SLCO5A1: variants seen among roughly 807,000 people sequenced by gnomAD.
SLCO5A1 encodes organic anion transporter polypeptide-related protein 4.
A neutral mutation model predicts 65.1 loss-of-function variants in SLCO5A1; 39 were observed. The ratio of observed to expected loss-of-function variants is 0.60; its 90% CI spans 0.46 to 0.78. SLCO5A1 has a LOEUF of 0.78. SLCO5A1 is among the 30% of genes least tolerant of loss of function. SLCO5A1 has a pLI of 0.00. For synonymous variants in SLCO5A1, 438 were observed against 415.7 expected, an observed-to-expected ratio of 1.05 and a Z score of -0.65; for missense variants, 1,029 against 1,069.4, an observed-to-expected ratio of 0.96 and a Z score of 0.53.
At position 69,673,253 on chromosome 8, in the gene SLCO5A1, A is replaced by G. The variant is rs756652738; in HGVS notation, c.2163T>C (p.Gly721=). The G allele has an allele frequency of 1.6e-5, 26 of 1,614,116 alleles. No homozygotes were observed. The change falls in exon 10 of 10, where the codon GGT becomes GGC. Residue 721 remains glycine, a synonymous_variant. Coordinates refer to ENST00000260126, the MANE Select transcript of SLCO5A1 (RefSeq NM_030958.3). The part of the protein sequence containing the change: ...TTCMLWQQEC[G]VQGSCWEYNV... ...TGTACTCCCAGCAAGAACCCTGCACACCACATTCCTGTTGCCAGAGCATGC... is the reference window on the plus strand; with the variant it reads ...TGTACTCCCAGCAAGAACCCTGCACGCCACATTCCTGTTGCCAGAGCATGC...
At chr8:69,717,248 C>A (rs746364440) in intron 5 of SLCO5A1, among the ~76,000 whole-genome samples, 2 of 152,104 alleles carry the variant, frequency 1.3e-5, no homozygotes, top group Non-Finnish European at 2.9e-5. Context: ...TTAAGGCTTT[C>A]GATTTATTTT....
In SLCO5A1 at chr8:69,705,178, A is replaced by G; in HGVS notation, c.1475T>C (p.Ile492Thr). ...AGVGIVLGGY[I>T]IKKLKLGARE... ...GGCACCAAGTTTCAATTTTTTTATA[A>G]TGTAGCCTCCGAGGACAATACCAAC... Residue 492 changes from isoleucine to threonine, a missense_variant, in exon 6 of 10, where the codon ATT becomes ACT. This residue lies in a region of SLCO5A1 where 647 missense variants were observed against 647.5 expected (regional missense o/e 1.00). Transcript: ENST00000260126. The G allele has an allele frequency of 6.2e-7, 1 of 1,614,180 alleles. No homozygotes were observed. The highest frequency in any genetic ancestry group is 1.1e-5 in the South Asian group (1 of 91,080).
chr8:69,805,733 C>T (rs1158547312), intron 2 of SLCO5A1, among the ~76,000 whole-genome samples: 1 of 152,186 alleles, frequency 6.6e-6, no homozygotes, highest in African/African-American at 2.4e-5. Context: ...CCTTCTCCCA[C>T]TTAACAGCGT....
intron 2 of SLCO5A1, among the ~76,000 whole-genome samples, chr8:69,787,072 A>T (rs950649326): frequency 6.6e-6 from 1 of 152,216 alleles, no homozygotes; most frequent in Non-Finnish European, 1.5e-5. Flanking sequence ...TTCCCCATGA[A>T]TGCAGCCAGA....
intron 2 of SLCO5A1, among the ~76,000 whole-genome samples, chr8:69,790,304 C>A (rs1419172195): frequency 6.6e-6 from 1 of 151,834 alleles, no homozygotes; most frequent in Non-Finnish European, 1.5e-5. Flanking sequence ...ACACTGCATG[C>A]CTGTACCAAA....
chr8:69,788,557 A>G (rs1205827737), intron 2 of SLCO5A1, among the ~76,000 whole-genome samples: 4 of 152,140 alleles, frequency 2.6e-5, no homozygotes, highest in Admixed American at 2.6e-4. Context: ...GAGTTTTTAT[A>G]AACATATTAC....
chr8:69,699,417 A>G (rs1414240369), intron 6 of SLCO5A1, among the ~76,000 whole-genome samples: 1 of 152,224 alleles, frequency 6.6e-6, no homozygotes, highest in Non-Finnish European at 1.5e-5. Flanking sequence ...CAGGAGAGAA[A>G]GGAGCATCCA....
At chr8:69,782,793 GCCAAATGACCCATC>G (rs1563721464) in intron 2 of SLCO5A1, among the ~76,000 whole-genome samples, 4 of 152,116 alleles carry the variant, frequency 2.6e-5, no homozygotes, top group Non-Finnish European at 5.9e-5. Flanking sequence ...AGACAAAAGT[GCCAAATGACCCATC>G]TAATACCAGG....
At chr8:69,716,655 A>G (rs1409109604) in intron 5 of SLCO5A1, among the ~76,000 whole-genome samples, 1 of 152,096 alleles carries the variant, frequency 6.6e-6, no homozygotes, top group African/African-American at 2.4e-5. Flanking sequence ...TACTTTGCCC[A>G]TTTTAATTGG....
chr8:69,768,596 T>C lies in SLCO5A1; in HGVS notation c.908-6721A>G, dbSNP rs550269079. On this transcript the variant is annotated intron_variant, in intron 2 of 9. Transcript: ENST00000260126. Reference sequence around the variant, plus strand: ...TTCTGAGGAGGCCTCTCTTCCTGTCTTGTGGTTGGCTACCTTCTTGCTGCG... The same window carrying C: ...TTCTGAGGAGGCCTCTCTTCCTGTCCTGTGGTTGGCTACCTTCTTGCTGCG... Among the ~76,000 whole-genome samples the C allele has an allele frequency of 5.9e-5, 9 of 152,260 alleles. No individual in the cohort carries two copies. In the South Asian group the frequency reaches 1.4e-3, roughly 25 times the overall value.
At chr8:69,827,305 A>T (rs60714164) in intron 2 of SLCO5A1, among the ~76,000 whole-genome samples, 51,005 of 151,786 alleles carry the variant, frequency 0.34, 8,648 homozygotes, top group South Asian at 0.39. Context: ...AATAATATTT[A>T]AAAAAAGAGA....
chr8:69,798,738 A>C (rs1819608902), intron 2 of SLCO5A1, among the ~76,000 whole-genome samples: 1 of 152,192 alleles, frequency 6.6e-6, no homozygotes, highest in Non-Finnish European at 1.5e-5. Flanking sequence ...TTATTACCAG[A>C]ATCTTCTCAA....
At position 69,832,090 on chromosome 8, in the gene SLCO5A1, G is replaced by A; in HGVS notation, c.584C>T (p.Pro195Leu). Reference sequence around the variant, plus strand: ...GAGTCCACCCACGGCCAGCCACAGGGGCCGCCGACCCCGGCCGCCGAAGTA... The same window carrying A: ...GAGTCCACCCACGGCCAGCCACAGGAGCCGCCGACCCCGGCCGCCGAAGTA... ...VSYFGGRGRRPLWLAVGGLLI... is the reference protein window; with the variant it reads ...VSYFGGRGRRLLWLAVGGLLI... Residue 195 changes from proline to leucine, a missense_variant, in exon 2 of 10, where the codon CCC (proline) becomes CTC (leucine). Pro to Leu is a moderately conservative substitution (Grantham distance 98). This residue lies in a region of SLCO5A1 where 647 missense variants were observed against 647.5 expected (regional missense o/e 1.00). Transcript: ENST00000260126. This position sits in a 1 kb window ranked among gnomAD's most constrained non-coding sequence, Gnocchi z 4.5. 1 of 1,613,798 alleles carries A rather than the reference G, an allele frequency of 6.2e-7. No homozygotes were observed. Among genetic ancestry groups the A allele is most frequent in the Non-Finnish European group, 8.5e-7 (1 of 1,180,008 alleles).
chr8:69,680,822 G>C (rs1339906438), intron 7 of SLCO5A1, among the ~76,000 whole-genome samples: 2 of 152,170 alleles, frequency 1.3e-5, no homozygotes, highest in East Asian at 3.9e-4. Context: ...CCAGCTCCAT[G>C]GATGTAACTT....
chr8:69,804,559 G>A (rs201644358), intron 2 of SLCO5A1, among the ~76,000 whole-genome samples: 16 of 152,076 alleles, frequency 1.1e-4, no homozygotes, highest in Admixed American at 5.2e-4. Context: ...CAGGTGATCC[G>A]CCCACCTTGG....
intron 2 of SLCO5A1, among the ~76,000 whole-genome samples, chr8:69,787,214 C>A (rs1299600799): frequency 6.6e-6 from 1 of 152,252 alleles, no homozygotes; most frequent in Non-Finnish European, 1.5e-5. Flanking sequence ...TGATACATTT[C>A]TGACCAATCA....
intron 2 of SLCO5A1, among the ~76,000 whole-genome samples, chr8:69,813,565 G>C (rs192992293): frequency 1.3e-5 from 2 of 152,262 alleles, no homozygotes; most frequent in East Asian, 3.9e-4. Context: ...ACAGCTGCTG[G>C]GAAAAAGGAG....
intron 5 of SLCO5A1, among the ~76,000 whole-genome samples, chr8:69,734,496 T>C (rs537972713): frequency 2.0e-5 from 3 of 152,334 alleles, no homozygotes; most frequent in African/African-American, 2.4e-5. Context: ...CTTTTTCTAA[T>C]GTATTTCATA....
chr8:69,783,673 C>G (rs1347194917), intron 2 of SLCO5A1, among the ~76,000 whole-genome samples: 1 of 151,966 alleles, frequency 6.6e-6, no homozygotes, highest in African/African-American at 2.4e-5. Context: ...CCAAAACACC[C>G]CATTCCCTAA....
Sources: allele counts gnomAD v4.1 joint callset (sites outside exome capture counted in the v4.1 genomes callset), GRCh38; gene constraint gnomAD v4.1.1; regional missense constraint gnomAD v4.1.1; non-coding constraint Gnocchi (gnomAD v3.1); transcripts MANE v1.5; gene names NCBI Gene and HGNC (gene_info 2026-07-23, HGNC 2026-07-21).